Variants in LAMA3 observed in about 807,000 individuals in gnomAD.
The protein encoded by LAMA3 is laminin subunit alpha-3.
A neutral mutation model predicts 402.0 loss-of-function variants in LAMA3; 281 were observed. The ratio of observed to expected loss-of-function variants is 0.70; its 90% CI spans 0.63 to 0.77. The LOEUF is 0.77. Ranked by LOEUF, LAMA3 falls within the 30% of genes least tolerant of loss-of-function variation. The probability of loss-of-function intolerance (pLI) is 0.00; values close to 1 mark genes in which losing one functional copy is unlikely to be tolerated. For synonymous variants in LAMA3, 1,431 were observed against 1,558.4 expected, an observed-to-expected ratio of 0.92 and a Z score of 1.93; for missense variants, 3,840 against 4,215.5, an observed-to-expected ratio of 0.91 and a Z score of 2.47.
At position 23,838,429 on chromosome 18, in the gene LAMA3, C is replaced by T. The variant is rs536833641; in HGVS notation, c.3094-352C>T. On this transcript the variant is annotated intron_variant, in intron 25 of 74. Transcript: ENST00000313654. ...ACCACATCCCCTATCTTCCTCCCAA[C>T]GGGCCTGAAAAGCCAGGATTGGCGC... Among the ~76,000 whole-genome samples the T allele has an allele frequency of 5.3e-5, 8 of 152,222 alleles. No homozygotes were observed. The South Asian group carries it at 1.0e-3, about 20-fold the overall frequency.
At chr18:23,923,751 A>G (rs1049069638) in intron 62 of LAMA3, among the ~76,000 whole-genome samples, 9 of 152,152 alleles carry the variant, frequency 5.9e-5, no homozygotes, top group African/African-American at 2.2e-4. Context: ...AGCCAGGAGG[A>G]ATTCTCAAGT....
chr18:23,891,593 T>C (rs2080667173), intron 42 of LAMA3, among the ~76,000 whole-genome samples: 2 of 152,200 alleles, frequency 1.3e-5, no homozygotes, highest in African/African-American at 4.8e-5. Context: ...CTCAACAGTC[T>C]AGAATGATGG....
chr18:23,825,890 G>A (rs1050509891), intron 21 of LAMA3, among the ~76,000 whole-genome samples: 1 of 151,996 alleles, frequency 6.6e-6, no homozygotes, highest in African/African-American at 2.4e-5. Flanking sequence ...GGAGAGAGGA[G>A]ACATGGTCCC....
At chr18:23,912,982 G>A in intron 56 of LAMA3, 101 bp downstream of exon 56, 4 of 1,099,766 alleles carry the variant, frequency 3.6e-6, no homozygotes, top group Non-Finnish European at 5.5e-6. Context: ...CATTAGCACA[G>A]CAGGCAGAAA....
At chr18:23,842,273 C>A in intron 27 of LAMA3, 122 bp from the exon 28 acceptor site, 2 of 1,248,872 alleles carry the variant, frequency 1.6e-6, no homozygotes, top group Non-Finnish European at 2.3e-6. Flanking sequence ...GTTGTCATTT[C>A]ACTTTGGTAA....
chr18:23,873,356 T>C, intron 38 of LAMA3: 1 of 821,130 alleles, frequency 1.2e-6, no homozygotes. Flanking sequence ...TGACTGGCAG[T>C]GTTTATTACA....
At chr18:23,939,184 T>G in intron 67 of LAMA3, 39 bp from the exon 68 acceptor site, 1 of 1,603,290 alleles carries the variant, frequency 6.2e-7, no homozygotes, top group Non-Finnish European at 8.5e-7. Flanking sequence ...CATTCTTCAC[T>G]CTTTCCCCTG....
At chr18:23,730,754 T>C (rs1237271129) in intron 2 of LAMA3, among the ~76,000 whole-genome samples, 2 of 152,204 alleles carry the variant, frequency 1.3e-5, no homozygotes, top group Non-Finnish European at 2.9e-5. Context: ...GCTGTTTTCA[T>C]TTCAGTGATA....
intron 1 of LAMA3, among the ~76,000 whole-genome samples, chr18:23,702,322 A>G (rs1336195889): frequency 6.6e-6 from 1 of 152,114 alleles, no homozygotes; most frequent in African/African-American, 2.4e-5. Flanking sequence ...TTCTAAAGGA[A>G]GCTTCTTTCT....
intron 62 of LAMA3, among the ~76,000 whole-genome samples, chr18:23,926,164 T>TTAAAA (rs199533036): frequency 6.6e-6 from 1 of 152,184 alleles, no homozygotes; most frequent in South Asian, 2.1e-4. Context: ...ATCCTAGAAC[T>TTAAAA]TAAAATAAAA....
intron 41 of LAMA3, among the ~76,000 whole-genome samples, chr18:23,886,280 A>G (rs974458174): frequency 6.6e-6 from 1 of 152,244 alleles, no homozygotes; most frequent in African/African-American, 2.4e-5. Context: ...TTCTTACAGC[A>G]GCAAAAGAGA....
At chr18:23,851,264 C>T (rs1328092284) in intron 32 of LAMA3, among the ~76,000 whole-genome samples, 1 of 152,220 alleles carries the variant, frequency 6.6e-6, no homozygotes, top group Non-Finnish European at 1.5e-5. Context: ...TCAGGGTTCT[C>T]ACCTGCACGA....
Position 23,689,653 on chromosome 18 carries a change from C to A in LAMA3, c.-31C>A. ...CGGTGCCCCCGAGCCCCTCTGCGGA[C>A]GGCTCAGGCGGGAGGACCCCGCGCG... On this transcript the variant is annotated 5_prime_UTR_variant, in exon 1 of 75. Transcript: ENST00000313654. 2 of 1,262,244 alleles carry A rather than the reference C, an allele frequency of 1.6e-6. No individual in the cohort carries two copies. Among genetic ancestry groups the A allele is most frequent in the African/African-American group, 3.1e-5 (2 of 64,302 alleles). 78.2% of individuals were successfully genotyped at this position (1,262,244 alleles called of 1,614,324 possible). A position where few individuals can be genotyped will look rare whatever the true frequency, so the allele number is the denominator to read the frequency against.
intron 1 of LAMA3, chr18:23,710,384 CT>C (rs2060969605): frequency 3.4e-5 from 3 of 87,102 alleles, no homozygotes; most frequent in Non-Finnish European, 1.2e-4. Flanking sequence ...AACCTTGTTG[CT>C]TGGTGCCAAG....
intron 2 of LAMA3, among the ~76,000 whole-genome samples, chr18:23,727,578 G>T (rs2061321499): frequency 1.3e-5 from 2 of 152,244 alleles, no homozygotes; most frequent in South Asian, 4.2e-4. Context: ...TGCCTGCCTC[G>T]GCCTCCCAAG....
rs201737459 is a variant in LAMA3 at position 23,842,755 on chromosome 18, G to A, written c.3603+5G>A. On this transcript the variant is annotated splice_donor_5th_base_variant and intron_variant, in intron 29 of 74. Coordinates refer to ENST00000313654, the MANE Select transcript of LAMA3 (RefSeq NM_198129.4). ...GAAGGAAAGTCCTTGGTTTTGGTGC[G>A]TTCCACTCGTTCCTCAACTTGCTCC... 52 of 1,614,064 alleles carry A rather than the reference G, an allele frequency of 3.2e-5. No homozygotes were observed. The highest frequency in any genetic ancestry group is 2.7e-4 in the Admixed American group (16 of 60,022).
rs1330963126 is a variant in LAMA3, at chr18:23,914,572, G to C, written c.7481+11G>C. The C allele has an allele frequency of 6.2e-7, 1 of 1,613,318 alleles. No homozygotes were observed. Among genetic ancestry groups the C allele is most frequent in the Non-Finnish European group, 8.5e-7 (1 of 1,179,380 alleles). ...GGTGAAATTTCAGAGGTACAAGTCTGATTGACTGTACCTGTGCTCACCAAA... is the reference window on the plus strand; with the variant it reads ...GGTGAAATTTCAGAGGTACAAGTCTCATTGACTGTACCTGTGCTCACCAAA... On this transcript the variant is annotated intron_variant, in intron 57 of 74. Coordinates refer to ENST00000313654, the MANE Select transcript of LAMA3 (RefSeq NM_198129.4).
At position 23,894,303 on chromosome 18, in the gene LAMA3, A is replaced by G. The variant is rs764929571; in HGVS notation, c.5416A>G (p.Ile1806Val). 1 of 1,612,486 alleles carries G rather than the reference A, an allele frequency of 6.2e-7. No homozygotes were observed. Among genetic ancestry groups the G allele is most frequent in the South Asian group, 1.1e-5 (1 of 91,032 alleles). Residue 1806 changes from isoleucine to valine, a missense_variant, in exon 43 of 75, where the codon ATA becomes GTA. This residue lies in a region of LAMA3 where 2,109 missense variants were observed against 2,376.0 expected (regional missense o/e 0.89). Transcript: ENST00000313654. ...TGGTTATTTTCTGATTTTAGACTGCATAAACCAAGAACCCAAAGATAGCAG... is the reference window on the plus strand; with the variant it reads ...TGGTTATTTTCTGATTTTAGACTGCGTAAACCAAGAACCCAAAGATAGCAG... ...GSCHPLTGDC[I>V]NQEPKDSSPA...
At chr18:23,760,554 A>C (rs1236502426) in intron 7 of LAMA3, among the ~76,000 whole-genome samples, 1 of 152,254 alleles carries the variant, frequency 6.6e-6, no homozygotes, top group African/African-American at 2.4e-5. Context: ...AAGAAAGAAT[A>C]AGAATTTTAC....
Sources: gnomAD v4.1 joint callset for allele counts (sites outside exome capture counted in the v4.1 genomes callset) on GRCh38, gnomAD v4.1.1 for gene constraint, gnomAD v4.1.1 regional missense constraint, MANE v1.5 for transcripts, NCBI Gene and HGNC (gene_info 2026-07-23, HGNC 2026-07-21) for gene names.